Variants in NLK observed in about 807,000 individuals in gnomAD.
NLK encodes the protein serine/threonine-protein kinase NLK.
Under a neutral mutation model 59.0 loss-of-function variants are expected in NLK, and 11 were observed. The ratio of observed to expected loss-of-function variants is 0.19; its 90% CI spans 0.12 to 0.31. NLK has a LOEUF of 0.31. NLK is among the 10% of genes least tolerant of loss of function. NLK has a pLI of 1.00. For synonymous variants in NLK, 235 were observed against 235.9 expected (o/e 1.00, Z 0.03); for missense variants, 410 against 661.1 (o/e 0.62, Z 4.16).
intron 1 of NLK, among the ~76,000 whole-genome samples, chr17:28,110,754 C>T (rs1392096205): frequency 2.0e-5 from 3 of 152,020 alleles, no homozygotes; most frequent in African/African-American, 7.2e-5. Flanking sequence ...GTAGTTTCTA[C>T]GTCTGTGTTG....
chr17:28,179,960 T>C lies in NLK; in HGVS notation c.1150-5219T>C, dbSNP rs116595759. ...GTAAACTTCTTGTTTGTTGCTGATATCGTGGTCCAAATGGTTTTAACCTAA... is the reference window on the plus strand; with the variant it reads ...GTAAACTTCTTGTTTGTTGCTGATACCGTGGTCCAAATGGTTTTAACCTAA... On this transcript the variant is annotated intron_variant, in intron 7 of 10. Transcript: ENST00000407008. Among the ~76,000 whole-genome samples, 493 of 150,576 alleles carry C rather than the reference T, an allele frequency of 3.3e-3. 3 individuals are homozygous for C. The highest frequency in any genetic ancestry group is 0.011 in the African/African-American group (463 of 41,060).
chr17:28,164,143 G>A (rs1470562642), intron 5 of NLK, among the ~76,000 whole-genome samples: 1 of 152,136 alleles, frequency 6.6e-6, no homozygotes, highest in Non-Finnish European at 1.5e-5. Context: ...GCTGAGGCGG[G>A]CAGATTGCTT....
At chr17:28,155,205 T>G (rs1907652903) in intron 3 of NLK, among the ~76,000 whole-genome samples, 1 of 152,152 alleles carries the variant, frequency 6.6e-6, no homozygotes, top group South Asian at 2.1e-4. Context: ...TTGTTTTGTT[T>G]TTAGAACCTT....
chr17:28,160,574 G>A (rs565910587), intron 3 of NLK, among the ~76,000 whole-genome samples: 9 of 152,126 alleles, frequency 5.9e-5, no homozygotes, highest in African/African-American at 1.2e-4. Context: ...TAGGAAGCTC[G>A]CTCGAAATCT....
At chr17:28,053,896 T>C (rs1909349074) in intron 1 of NLK, among the ~76,000 whole-genome samples, 1 of 152,220 alleles carries the variant, frequency 6.6e-6, no homozygotes, top group African/African-American at 2.4e-5. Flanking sequence ...CACTGTATTA[T>C]CTTACCAGTA....
intron 4 of NLK, among the ~76,000 whole-genome samples, 168 bp downstream of exon 4, chr17:28,161,434 C>A (rs188837370): frequency 3.9e-5 from 6 of 152,130 alleles, no homozygotes; most frequent in Non-Finnish European, 8.8e-5. Flanking sequence ...AAAGAGGAAG[C>A]TTTTTAGGGT....
intron 3 of NLK, among the ~76,000 whole-genome samples, chr17:28,145,696 A>G (rs886531118): frequency 7.9e-5 from 12 of 151,984 alleles, no homozygotes; most frequent in African/African-American, 2.7e-4. Context: ...TTGAGATCAC[A>G]GTGGCTTAAA....
chr17:28,124,834 G>A (rs2142821768), intron 2 of NLK, among the ~76,000 whole-genome samples: 1 of 152,178 alleles, frequency 6.6e-6, no homozygotes, highest in South Asian at 2.1e-4. Flanking sequence ...TGGATCATTT[G>A]AGTCCAGGAG....
chr17:28,168,841 T>G (rs1908348659), intron 6 of NLK, among the ~76,000 whole-genome samples, 184 bp downstream of exon 6: 1 of 152,196 alleles, frequency 6.6e-6, no homozygotes, highest in Non-Finnish European at 1.5e-5. Flanking sequence ...TTGTAACTTA[T>G]GAGCCTTTAG....
intron 5 of NLK, among the ~76,000 whole-genome samples, chr17:28,163,860 G>A (rs891705814): frequency 2.0e-5 from 3 of 152,176 alleles, no homozygotes; most frequent in Non-Finnish European, 4.4e-5. Flanking sequence ...GAATTGTAGT[G>A]TAACTAGAAA....
At chr17:28,128,174 GCAAGTAT>G (rs1348985835) in intron 2 of NLK, among the ~76,000 whole-genome samples, 7 of 151,968 alleles carry the variant, frequency 4.6e-5, no homozygotes, top group African/African-American at 1.7e-4. Context: ...TAAAACATAG[GCAAGTAT>G]CTTCATGACT....
chr17:28,154,067 C>A (rs1178383960), intron 3 of NLK, among the ~76,000 whole-genome samples: 1 of 152,068 alleles, frequency 6.6e-6, no homozygotes, highest in Non-Finnish European at 1.5e-5. Flanking sequence ...ATCTTTACTA[C>A]CATTCCTTCC....
chr17:28,178,536 A>G (rs1908773991), intron 7 of NLK, among the ~76,000 whole-genome samples: 1 of 152,232 alleles, frequency 6.6e-6, no homozygotes, highest in Admixed American at 6.5e-5. Context: ...GATAGGATTG[A>G]AAAGTCTATT....
the NLK span, among the ~76,000 whole-genome samples, chr17:28,202,359 G>A: frequency 1.4e-4 from 22 of 151,740 alleles, no homozygotes; most frequent in Non-Finnish European, 2.5e-4. Flanking sequence ...TCACACCACT[G>A]TACTCCTGCC....
At chr17:28,131,586 TAAAA>T (rs35804817) in intron 2 of NLK, among the ~76,000 whole-genome samples, 12 of 83,716 alleles carry the variant, frequency 1.4e-4, no homozygotes, top group South Asian at 1.1e-3. Context: ...TTCTCTGTAG[TAAAA>T]AAAAAAAAAA....
chr17:28,147,765 A>G (rs1204266338), intron 3 of NLK, among the ~76,000 whole-genome samples: 1 of 152,134 alleles, frequency 6.6e-6, no homozygotes, highest in East Asian at 1.9e-4. Flanking sequence ...TCTGTCCTCC[A>G]TGATAACGTT....
At chr17:28,177,802 C>T (rs1163720557) in intron 7 of NLK, among the ~76,000 whole-genome samples, 1 of 152,190 alleles carries the variant, frequency 6.6e-6, no homozygotes, top group African/African-American at 2.4e-5. Context: ...GAGGTTTCCT[C>T]CATAGTCTGG....
intron 1 of NLK, among the ~76,000 whole-genome samples, chr17:28,101,767 CATTT>C (rs1904909869): frequency 6.6e-6 from 1 of 152,058 alleles, no homozygotes; most frequent in Non-Finnish European, 1.5e-5. Flanking sequence ...ATTCATATGC[CATTT>C]ATTTATTTAC....
chr17:28,115,925 T>C (rs1292471472), intron 1 of NLK, among the ~76,000 whole-genome samples: 2 of 151,960 alleles, frequency 1.3e-5, no homozygotes, highest in Non-Finnish European at 1.5e-5. Flanking sequence ...TTTCCTTTTG[T>C]ATAATTAGAC....
Sources: gnomAD v4.1 joint callset for allele counts (sites outside exome capture counted in the v4.1 genomes callset) on GRCh38, gnomAD v4.1.1 for gene constraint, MANE v1.5 for transcripts, NCBI Gene and HGNC (gene_info 2026-07-23, HGNC 2026-07-21) for gene names.